ALCAM: variants seen among roughly 807,000 people sequenced by gnomAD.
ALCAM encodes the protein activated leukocyte cell adhesion molecule, also known as CD166 antigen.
In ALCAM, 30 loss-of-function variants were observed where a neutral mutation model predicts 70.9. The ratio of observed to expected loss-of-function variants is 0.42; its 90% confidence interval spans 0.32 to 0.57. The LOEUF is 0.57. Among genes scored for constraint, ALCAM ranks in the 20% least tolerant of loss-of-function variants. The pLI is 0.11. For synonymous variants in ALCAM, 249 were observed against 242.5 expected, an observed-to-expected ratio of 1.03 and a Z score of -0.25; for missense variants, 591 against 695.1, an observed-to-expected ratio of 0.85 and a Z score of 1.68.
At chr3:105,493,525 T>C (rs910884988) in intron 1 of ALCAM, among the ~76,000 whole-genome samples, 5 of 152,034 alleles carry the variant, frequency 3.3e-5, no homozygotes, top group Admixed American at 3.3e-4. Flanking sequence ...CCTAATTACA[T>C]GAGGCCTTAA....
At chr3:105,458,620 T>A (rs1481773929) in intron 1 of ALCAM, among the ~76,000 whole-genome samples, 1 of 152,216 alleles carries the variant, frequency 6.6e-6, no homozygotes, top group Non-Finnish European at 1.5e-5. Context: ...AAGCTTATTT[T>A]AAAATTATCT....
chr3:105,425,007 T>A (rs1936754859), intron 1 of ALCAM, among the ~76,000 whole-genome samples: 1 of 151,638 alleles, frequency 6.6e-6, no homozygotes, highest in Admixed American at 6.6e-5. Flanking sequence ...TGCATGAAGG[T>A]CCTTACTCTC....
intron 1 of ALCAM, among the ~76,000 whole-genome samples, chr3:105,495,646 C>T (rs1464375717): frequency 7.2e-5 from 11 of 152,062 alleles, no homozygotes; most frequent in East Asian, 1.9e-4. Context: ...ATGCAAAGCA[C>T]GGTGGAATAA....
intron 14 of ALCAM, among the ~76,000 whole-genome samples, chr3:105,561,061 T>C (rs181891431): frequency 5.0e-4 from 76 of 152,302 alleles, no homozygotes; most frequent in African/African-American, 1.7e-3. Context: ...CTCTTTTCAA[T>C]TTTTTTCTGA....
intron 15 of ALCAM, among the ~76,000 whole-genome samples, chr3:105,573,527 C>T (rs1940900275): frequency 6.6e-6 from 1 of 152,006 alleles, no homozygotes; most frequent in Non-Finnish European, 1.5e-5. Flanking sequence ...TCTATATGCA[C>T]ATATGTAGAG....
chr3:105,374,667 C>A (rs1226896546), intron 1 of ALCAM, among the ~76,000 whole-genome samples: 1 of 152,066 alleles, frequency 6.6e-6, no homozygotes, highest in East Asian at 1.9e-4. Flanking sequence ...CAGGTGCCCA[C>A]CAGCTCGCCC....
chr3:105,464,192 A>G (rs1169813481), intron 1 of ALCAM, among the ~76,000 whole-genome samples: 1 of 151,290 alleles, frequency 6.6e-6, no homozygotes, highest in Non-Finnish European at 1.5e-5. Context: ...TTTTAATTAA[A>G]ACTTTTACTA....
chr3:105,559,035 C>CA (rs1348217397), intron 14 of ALCAM, among the ~76,000 whole-genome samples: 3 of 151,912 alleles, frequency 2.0e-5, no homozygotes, highest in Non-Finnish European at 4.4e-5. Context: ...AGCACTTCTT[C>CA]CCACGGTAAC....
chr3:105,544,937 G>T, intron 8 of ALCAM: 1 of 302,540 alleles, frequency 3.3e-6, no homozygotes, highest in Non-Finnish European at 6.4e-6. Flanking sequence ...TAAGGTGATA[G>T]GCCCTAGGGG....
intron 1 of ALCAM, among the ~76,000 whole-genome samples, chr3:105,443,979 A>G (rs938518380): frequency 3.3e-5 from 5 of 152,358 alleles, no homozygotes; most frequent in Middle Eastern, 3.4e-3. Flanking sequence ...ATAGCACAGT[A>G]TAAGTGCTGA....
chr3:105,545,463 C>G, intron 9 of ALCAM, 128 bp downstream of exon 9: 2 of 581,008 alleles, frequency 3.4e-6, no homozygotes, highest in East Asian at 3.0e-5. Flanking sequence ...CTCTCTCTCT[C>G]TGTTTCTGAT....
intron 1 of ALCAM, among the ~76,000 whole-genome samples, chr3:105,411,295 C>CT (rs1394842305): frequency 1.3e-5 from 2 of 152,020 alleles, no homozygotes; most frequent in Non-Finnish European, 2.9e-5. Flanking sequence ...GGAGGTTATC[C>CT]TCAATATATT....
chr3:105,540,171 A>T (rs553588905), intron 7 of ALCAM, 69 bp downstream of exon 7: 201 of 1,423,280 alleles, frequency 1.4e-4, no homozygotes, highest in Non-Finnish European at 1.9e-4. Flanking sequence ...CTACATGGAT[A>T]GATTAAGTGA....
At chr3:105,524,254 C>T in intron 2 of ALCAM, 35 bp from the exon 3 acceptor site, 1 of 1,513,640 alleles carries the variant, frequency 6.6e-7, no homozygotes, top group Non-Finnish European at 9.1e-7. Context: ...TCTGAATATG[C>T]TTGTGTTTAA....
At position 105,521,473 on chromosome 3, in the gene ALCAM, A is replaced by G. The variant is rs138143284; in HGVS notation, c.174+1306A>G. ...ATATCTCCAAGAACAAACATTCTGC[A>G]GAACACACTGTAAGAAATGTGCTTA... On this transcript the variant is annotated intron_variant, in intron 2 of 15. Transcript: ENST00000306107. 4.4e-3 allele frequency among the ~76,000 whole-genome samples: 664 copies of G among 152,330 alleles called. 5 individuals are homozygous for G. Among genetic ancestry groups the G allele is most frequent in the African/African-American group, 0.015 (626 of 41,572 alleles).
intron 1 of ALCAM, among the ~76,000 whole-genome samples, chr3:105,470,923 G>A (rs1937907898): frequency 6.6e-6 from 1 of 151,244 alleles, no homozygotes; most frequent in Admixed American, 6.6e-5. Context: ...GAAATTTAAT[G>A]AGTCAGATCA....
intron 14 of ALCAM, among the ~76,000 whole-genome samples, chr3:105,558,547 G>A (rs1210016279): frequency 2.6e-5 from 4 of 151,884 alleles, no homozygotes; most frequent in African/African-American, 7.3e-5. Context: ...GCATACTTAC[G>A]GGATACCCCC....
In ALCAM at chr3:105,569,557, A is replaced by G. The variant is rs529511797; in HGVS notation, c.1665-2295A>G. Among the ~76,000 whole-genome samples the G allele has an allele frequency of 5.3e-5, 8 of 152,292 alleles. No individual in the cohort carries two copies. In the South Asian group the frequency reaches 1.5e-3, roughly 28 times the overall value. On this transcript the variant is annotated intron_variant, in intron 14 of 15. Coordinates refer to ENST00000306107, the MANE Select transcript of ALCAM (RefSeq NM_001627.4). ...TGCTTATAAAAAAAAGCAGCTGGGT[A>G]TGTATGGACTTCATATTGGTGAACA...
chr3:105,433,117 T>C (rs1177963486), intron 1 of ALCAM, among the ~76,000 whole-genome samples: 1 of 152,172 alleles, frequency 6.6e-6, no homozygotes, highest in African/African-American at 2.4e-5. Flanking sequence ...CTCTTGCTTA[T>C]GGCTATAATA....
Sources: allele counts gnomAD v4.1 joint callset (sites outside exome capture counted in the v4.1 genomes callset), GRCh38; gene constraint gnomAD v4.1.1; transcripts MANE v1.5; gene names NCBI Gene and HGNC (gene_info 2026-07-23, HGNC 2026-07-21).